TRHDE: variants seen among roughly 807,000 people sequenced by gnomAD.
TRHDE encodes thyrotropin-releasing hormone-degrading ectoenzyme.
Under a neutral mutation model 125.7 loss-of-function variants are expected in TRHDE, and 72 were observed. That is an observed-to-expected ratio of 0.57 (90% CI 0.47 to 0.70). The LOEUF is 0.70. TRHDE is among the 30% of genes least tolerant of loss of function. The pLI, the probability that TRHDE is intolerant of heterozygous loss-of-function variation, is 0.00. For synonymous variants in TRHDE, 509 were observed against 509.1 expected, an observed-to-expected ratio of 1.00 and a Z score of 0.00; for missense variants, 1,110 against 1,327.1, an observed-to-expected ratio of 0.84 and a Z score of 2.54.
intron 1 of TRHDE, among the ~76,000 whole-genome samples, chr12:72,285,931 A>T (rs1003286288): frequency 2.6e-5 from 4 of 152,210 alleles, no homozygotes; most frequent in Non-Finnish European, 5.9e-5. Context: ...CTTGATCTGT[A>T]TAAATATTTA....
At chr12:72,469,272 C>A (rs1876531358) in intron 3 of TRHDE, among the ~76,000 whole-genome samples, 1 of 152,034 alleles carries the variant, frequency 6.6e-6, no homozygotes, top group African/African-American at 2.4e-5. Context: ...TTTCTTTTAA[C>A]ATAACTGAAA....
At chr12:72,601,062 A>C (rs1009870255) in intron 12 of TRHDE, among the ~76,000 whole-genome samples, 1 of 152,152 alleles carries the variant, frequency 6.6e-6, no homozygotes, top group Non-Finnish European at 1.5e-5. Context: ...AGCAAAGTCA[A>C]TTGAAAACCT....
intron 12 of TRHDE, among the ~76,000 whole-genome samples, chr12:72,579,044 G>A (rs1226759252): frequency 1.4e-5 from 2 of 147,230 alleles, no homozygotes; most frequent in African/African-American, 5.1e-5. Flanking sequence ...AAATAAATCT[G>A]GGGATCTTTT....
At chr12:72,460,874 T>C (rs932419495) in intron 3 of TRHDE, among the ~76,000 whole-genome samples, 2 of 152,132 alleles carry the variant, frequency 1.3e-5, no homozygotes, top group African/African-American at 4.8e-5. Flanking sequence ...CTGACAAATG[T>C]TCCCTGTGCA....
At chr12:72,386,096 G>A (rs1266684172) in intron 3 of TRHDE, among the ~76,000 whole-genome samples, 2 of 152,098 alleles carry the variant, frequency 1.3e-5, no homozygotes, top group African/African-American at 4.8e-5. Flanking sequence ...TGACAATATT[G>A]TTACATTTTT....
intron 15 of TRHDE, among the ~76,000 whole-genome samples, chr12:72,643,371 T>G (rs974837974): frequency 2.6e-5 from 4 of 152,214 alleles, no homozygotes; most frequent in African/African-American, 9.6e-5. Context: ...ATTTGATATC[T>G]CTGCTATGTG....
At chr12:72,308,225 A>C in intron 2 of TRHDE, among the ~76,000 whole-genome samples, 1 of 151,954 alleles carries the variant, frequency 6.6e-6, no homozygotes, top group South Asian at 2.1e-4. Context: ...CCCGTAGACT[A>C]TTGGTACTTC....
intron 3 of TRHDE, among the ~76,000 whole-genome samples, chr12:72,437,253 G>T (rs868608859): frequency 7.2e-5 from 11 of 151,822 alleles, no homozygotes; most frequent in African/African-American, 2.7e-4. Context: ...GCCTTACAGA[G>T]AATGAATGCT....
At chr12:72,578,984 GT>G (rs3081947) in intron 12 of TRHDE, among the ~76,000 whole-genome samples, 9,734 of 135,864 alleles carry the variant, frequency 0.072, 365 homozygotes, top group Middle Eastern at 0.12. Flanking sequence ...ACTGTTTAGT[GT>G]TTTTTTTTTT....
chr12:72,130,469 A>T (rs1313773505), intron 2 of TRHDE, among the ~76,000 whole-genome samples: 1 of 152,190 alleles, frequency 6.6e-6, no homozygotes, highest in Non-Finnish European at 1.5e-5. Context: ...GCAGTATAAG[A>T]GGGGAAAGGA....
chr12:72,489,827 A>T (rs1167359572), intron 5 of TRHDE, among the ~76,000 whole-genome samples: 1 of 151,890 alleles, frequency 6.6e-6, no homozygotes, highest in African/African-American at 2.4e-5. Flanking sequence ...GTCTTACACC[A>T]TCCATAGAAA....
At chr12:72,532,231 A>C (rs1305401200) in intron 6 of TRHDE, among the ~76,000 whole-genome samples, 1 of 151,824 alleles carries the variant, frequency 6.6e-6, no homozygotes, top group Non-Finnish European at 1.5e-5. Flanking sequence ...CCTTAAATTC[A>C]ATTTTAGTAA....
chr12:72,249,238 G>A (rs548633435), intron 2 of TRHDE, among the ~76,000 whole-genome samples: 2 of 152,170 alleles, frequency 1.3e-5, no homozygotes, highest in East Asian at 3.9e-4. Context: ...AAAGACATTC[G>A]TAAGCAAAAC....
chr12:72,244,984 A>C (rs939426814), intron 2 of TRHDE, among the ~76,000 whole-genome samples: 10 of 152,268 alleles, frequency 6.6e-5, no homozygotes, highest in African/African-American at 2.4e-4. Context: ...AAGAATGTGA[A>C]AGGCATGTGA....
intron 5 of TRHDE, among the ~76,000 whole-genome samples, chr12:72,489,591 A>G (rs1365043311): frequency 6.6e-6 from 1 of 151,928 alleles, no homozygotes; most frequent in African/African-American, 2.4e-5. Flanking sequence ...CTGATTTAAA[A>G]TATGTTACAA....
At chr12:72,209,523 C>T (rs1402643471) in intron 2 of TRHDE, among the ~76,000 whole-genome samples, 1 of 152,192 alleles carries the variant, frequency 6.6e-6, no homozygotes, top group African/African-American at 2.4e-5. Context: ...ATTAAATTAA[C>T]ATTCATAAAT....
At chr12:72,433,801 A>G (rs570856859) in intron 3 of TRHDE, among the ~76,000 whole-genome samples, 11 of 149,868 alleles carry the variant, frequency 7.3e-5, no homozygotes, top group African/African-American at 2.7e-4. Flanking sequence ...AGTCTCCCTT[A>G]CAAGTGGGGA....
chr12:72,369,205 G>C (rs555954611), intron 2 of TRHDE, among the ~76,000 whole-genome samples: 2 of 152,240 alleles, frequency 1.3e-5, no homozygotes, highest in East Asian at 3.9e-4. Context: ...ACCAACAGGA[G>C]CTCCCATTTT....
chr12:72,368,112 A>G (rs1159991217), intron 2 of TRHDE, among the ~76,000 whole-genome samples: 1 of 152,188 alleles, frequency 6.6e-6, no homozygotes, highest in African/African-American at 2.4e-5. Context: ...ACAAATCATT[A>G]ATACAGTCTA....
Sources: gnomAD v4.1 joint callset for allele counts (sites outside exome capture counted in the v4.1 genomes callset) on GRCh38, gnomAD v4.1.1 for gene constraint, MANE v1.5 for transcripts, NCBI Gene and HGNC (gene_info 2026-07-23, HGNC 2026-07-21) for gene names.